TIA1: variants seen among roughly 807,000 people sequenced by gnomAD.
TIA1 encodes the protein cytotoxic granule associated RNA binding protein TIA1.
Under a neutral mutation model 65.9 loss-of-function variants are expected in TIA1, and 23 were observed. The ratio of observed to expected loss-of-function variants is 0.35; its 90% CI spans 0.25 to 0.49. The LOEUF is 0.49. TIA1 is among the 20% of genes least tolerant of loss of function. The pLI is 0.98. For missense variants in TIA1, 371 were observed against 477.9 expected (o/e 0.78, Z 2.09); for synonymous variants, 147 against 149.4 (o/e 0.98, Z 0.12).
intron 2 of TIA1, among the ~76,000 whole-genome samples, chr2:70,235,650 A>G (rs941811385): frequency 1.3e-5 from 2 of 152,072 alleles, no homozygotes; most frequent in Admixed American, 6.6e-5. Context: ...GACCTTTAAA[A>G]ATAAAGTTAA....
At chr2:70,239,772 G>A (rs1296034477) in intron 1 of TIA1, among the ~76,000 whole-genome samples, 2 of 152,184 alleles carry the variant, frequency 1.3e-5, no homozygotes, top group Non-Finnish European at 2.9e-5. Flanking sequence ...AAAAGAGAAA[G>A]TAACAGCAAC....
rs1676016006 is a variant in TIA1, at chr2:70,209,747, A to C, written c.*2972T>G. On this transcript the variant is annotated 3_prime_UTR_variant, in exon 13 of 13. Coordinates refer to ENST00000433529, the MANE Select transcript of TIA1 (RefSeq NM_022173.4). ...AAAACTGATTTTTTTTAAAGAAATC[A>C]TCACTCTCATTTGAAAGGTTTGCTT... 1 of 398,322 alleles carries C rather than the reference A, an allele frequency of 2.5e-6. No homozygotes were observed. The highest frequency in any genetic ancestry group is 4.4e-6 in the Non-Finnish European group (1 of 225,928). 24.7% of individuals were successfully genotyped at this position (398,322 alleles called of 1,614,324 possible). A position where few individuals can be genotyped will look rare whatever the true frequency, so the allele number is the denominator to read the frequency against.
At chr2:70,232,528 G>A (rs1243696960) in intron 2 of TIA1, among the ~76,000 whole-genome samples, 17 of 86,172 alleles carry the variant, frequency 2.0e-4, no homozygotes, top group African/African-American at 7.9e-4. Context: ...CAACAAGAGT[G>A]AAACTCTGTC....
At chr2:70,213,855 T>C in intron 12 of TIA1, among the ~76,000 whole-genome samples, 1 of 152,156 alleles carries the variant, frequency 6.6e-6, no homozygotes, top group Non-Finnish European at 1.5e-5. Context: ...TTTCGCCATG[T>C]TGGCCAGGCT....
chr2:70,242,440 A>C (rs1692264839), intron 1 of TIA1, among the ~76,000 whole-genome samples: 2 of 124,518 alleles, frequency 1.6e-5, no homozygotes, highest in Admixed American at 2.1e-4. Context: ...TGGAGGTTGC[A>C]GTGAGCCGAG....
rs965315963 is a variant in TIA1 at position 70,220,408 on chromosome 2, C to T, written c.475-3414G>A. ...TGGGTGACAGAGTGAGGTCCTGTCT[C>T]GAAAAAAAAAGATGATGATTATATG... is the stretch of plus-strand genomic sequence containing the variant. On this transcript the variant is annotated intron_variant, in intron 7 of 12. Coordinates refer to ENST00000433529, the MANE Select transcript of TIA1 (RefSeq NM_022173.4). Among the ~76,000 whole-genome samples the T allele has an allele frequency of 2.6e-4, 39 of 149,172 alleles. 1 individual carries two copies. Among genetic ancestry groups the T allele is most frequent in the Admixed American group, 2.0e-3 (30 of 14,992 alleles).
chr2:70,236,024 TTAAG>T (rs932425147), intron 2 of TIA1, 51 bp downstream of exon 2: 1 of 1,079,828 alleles, frequency 9.3e-7, no homozygotes. Context: ...AGCAATGGCT[TTAAG>T]TAATGTGTAA....
intron 2 of TIA1, among the ~76,000 whole-genome samples, chr2:70,231,877 A>G (rs114203804): frequency 6.6e-6 from 1 of 152,184 alleles, no homozygotes; most frequent in East Asian, 1.9e-4. Flanking sequence ...ACTTTCTGAC[A>G]TCAATTTTTT....
chr2:70,247,019 C>A (rs1694674196), intron 1 of TIA1, among the ~76,000 whole-genome samples: 1 of 152,132 alleles, frequency 6.6e-6, no homozygotes, highest in Non-Finnish European at 1.5e-5. Flanking sequence ...TTATAAAACA[C>A]GAGCAGTGCC....
At chr2:70,242,591 T>G (rs1218010388) in intron 1 of TIA1, among the ~76,000 whole-genome samples, 3 of 150,938 alleles carry the variant, frequency 2.0e-5, no homozygotes, top group Non-Finnish European at 4.4e-5. Flanking sequence ...AATAATAAAT[T>G]CCATAAGAGG....
At chr2:70,247,118 G>A (rs1320392906) in intron 1 of TIA1, among the ~76,000 whole-genome samples, 1 of 152,160 alleles carries the variant, frequency 6.6e-6, no homozygotes, top group Admixed American at 6.6e-5. Flanking sequence ...TTTTTAGGGA[G>A]TATTCATCTA....
chr2:70,220,762 T>A (rs536226627), intron 7 of TIA1, among the ~76,000 whole-genome samples: 48 of 151,908 alleles, frequency 3.2e-4, no homozygotes, highest in Non-Finnish European at 6.2e-4. Flanking sequence ...TTGGTGGTTG[T>A]GAATGGGAGA....
chr2:70,213,268 A>G (rs988771839), intron 12 of TIA1, among the ~76,000 whole-genome samples: 3 of 152,130 alleles, frequency 2.0e-5, no homozygotes, highest in Admixed American at 6.5e-5. Flanking sequence ...TATACTACTC[A>G]AAGAAGAAAT....
chr2:70,218,441 CT>C (rs1235549625), intron 7 of TIA1, among the ~76,000 whole-genome samples: 1 of 152,062 alleles, frequency 6.6e-6, no homozygotes, highest in African/African-American at 2.4e-5. Context: ...GAAGGCCATT[CT>C]TTTTTTCGAG....
Position 70,248,407 on chromosome 2 carries a change from A to T in TIA1, c.24T>A (p.Thr8=), listed in dbSNP as rs1695471662. The T allele has an allele frequency of 1.2e-6, 2 of 1,600,108 alleles. No homozygotes were observed. Among genetic ancestry groups the T allele is most frequent in the East Asian group, 4.5e-5 (2 of 44,848 alleles). ...CCTCATCGCTGCCCCAGACTCACAGAGTCTTGGGCATCTCGTCCTCCATGG... is the reference window on the plus strand; with the variant it reads ...CCTCATCGCTGCCCCAGACTCACAGTGTCTTGGGCATCTCGTCCTCCATGG... The part of the protein sequence containing the change: MEDEMPK[T]LYVGNLSRDV... Residue 8 remains threonine, a splice_region_variant and synonymous_variant, in exon 1 of 13, where the codon ACT becomes ACA. Transcript: ENST00000433529.
chr2:70,235,652 TAA>T (rs1251297678), intron 2 of TIA1, among the ~76,000 whole-genome samples: 3 of 151,972 alleles, frequency 2.0e-5, no homozygotes, highest in Non-Finnish European at 1.5e-5. Context: ...CCTTTAAAAA[TAA>T]AGTTAAAAAT....
chr2:70,227,515 A>G (rs941785286), intron 6 of TIA1, among the ~76,000 whole-genome samples: 1 of 152,162 alleles, frequency 6.6e-6, no homozygotes, highest in Admixed American at 6.5e-5. Context: ...AGCTATGCTA[A>G]TTGAAAAAGG....
chr2:70,225,297 A>T, intron 6 of TIA1: 1 of 1,253,140 alleles, frequency 8.0e-7, no homozygotes, highest in African/African-American at 1.6e-5. Flanking sequence ...GCAAAATTTT[A>T]AAAAGTCAGA....
chr2:70,230,702 A>C, intron 3 of TIA1, 54 bp downstream of exon 3: 1 of 1,348,550 alleles, frequency 7.4e-7, no homozygotes, highest in East Asian at 2.4e-5. Flanking sequence ...ACAAAATCAT[A>C]TATAACTTAA....
Sources: allele counts gnomAD v4.1 joint callset (sites outside exome capture counted in the v4.1 genomes callset), GRCh38; gene constraint gnomAD v4.1.1; transcripts MANE v1.5; gene names NCBI Gene and HGNC (gene_info 2026-07-23, HGNC 2026-07-21).